Variants in DMD observed in about 807,000 individuals in gnomAD.
The protein encoded by DMD is mutant dystrophin.
In DMD, 63 loss-of-function variants were observed where a neutral mutation model predicts 330.1. That is an observed-to-expected ratio of 0.19 (90% CI 0.16 to 0.24). The LOEUF (loss-of-function observed/expected upper bound fraction) is 0.24, where lower values mean the gene tolerates loss of function less well. Ranked by LOEUF, DMD falls within the 10% of genes least tolerant of loss-of-function variation. DMD has a pLI of 1.00. For missense variants in DMD, 3,344 were observed against 2,684.1 expected (o/e 1.25, Z -5.43); for synonymous variants, 1,223 against 959.8 (o/e 1.27, Z -5.07).
chrX:32,493,586 C>T (rs757584803), intron 19 of DMD, among the ~76,000 whole-genome samples: 4 of 111,125 alleles, frequency 3.6e-5, no homozygotes, highest in South Asian at 3.7e-4. Flanking sequence ...ATTTGTTAAG[C>T]GATGCGATTA....
chrX:31,832,432 G>GA (rs2093070539), intron 49 of DMD, among the ~76,000 whole-genome samples: 1 of 111,865 alleles, frequency 8.9e-6, no homozygotes, highest in East Asian at 2.8e-4. Flanking sequence ...AAACAGCTGG[G>GA]AAAATGAATC....
chrX:31,546,870 T>C (rs2074170025), intron 55 of DMD, among the ~76,000 whole-genome samples: 1 of 112,436 alleles, frequency 8.9e-6, no homozygotes, highest in Non-Finnish European at 1.9e-5. Context: ...TCTTAGCACA[T>C]AGACTATTCT....
At chrX:31,791,438 C>A (rs2091565086) in intron 50 of DMD, among the ~76,000 whole-genome samples, 1 of 111,509 alleles carries the variant, frequency 9.0e-6, no homozygotes, top group Non-Finnish European at 1.9e-5. Flanking sequence ...ATATCTGTAG[C>A]CCCTGACATG....
intron 34 of DMD, among the ~76,000 whole-genome samples, chrX:32,367,631 G>T (rs2097858946): frequency 8.9e-6 from 1 of 111,891 alleles, no homozygotes; most frequent in Admixed American, 9.5e-5. Context: ...GGATAATGTT[G>T]CAGGTAGTTC....
intron 1 of DMD, among the ~76,000 whole-genome samples, chrX:33,165,717 A>T (rs1040899266): frequency 8.9e-6 from 1 of 111,826 alleles, no homozygotes; most frequent in African/African-American, 3.2e-5. Flanking sequence ...ATTTATACAA[A>T]CAGAATAAAA....
At chrX:31,575,623 T>C (rs1365337400) in intron 55 of DMD, among the ~76,000 whole-genome samples, 1 of 112,037 alleles carries the variant, frequency 8.9e-6, no homozygotes, top group African/African-American at 3.2e-5. Flanking sequence ...ATAAAATGTG[T>C]CTGCTTTGTG....
At chrX:33,148,346 G>A (rs1270546611) in intron 1 of DMD, among the ~76,000 whole-genome samples, 1 of 112,064 alleles carries the variant, frequency 8.9e-6, no homozygotes, top group Admixed American at 9.5e-5. Context: ...TATTTCTTAG[G>A]GTTCAAACAG....
chrX:32,299,828 C>T lies in DMD; in HGVS notation c.6117+10254G>A, dbSNP rs774086606. Among the ~76,000 whole-genome samples the T allele has an allele frequency of 2.7e-5, 3 of 111,262 alleles. No individual in the cohort carries two copies. In the South Asian group the frequency reaches 1.1e-3, roughly 42 times the overall value. The stretch of plus-strand genomic sequence containing the variant: ...CAAAAATAATAACTGTCAGCTATTA[C>T]ATTCAAGATTAGTCCAGATTCCAGT... On this transcript the variant is annotated intron_variant, in intron 42 of 78. Coordinates refer to ENST00000357033, the MANE Select transcript of DMD (RefSeq NM_004006.3).
chrX:32,383,230 C>G (rs1296621954), intron 33 of DMD, among the ~76,000 whole-genome samples: 1 of 110,661 alleles, frequency 9.0e-6, no homozygotes, highest in Non-Finnish European at 1.9e-5. Context: ...GCACCTTGAT[C>G]TTGCACTCCC....
At chrX:32,793,721 T>C (rs1603425587) in intron 7 of DMD, among the ~76,000 whole-genome samples, 1 of 111,842 alleles carries the variant, frequency 8.9e-6, no homozygotes, top group Non-Finnish European at 1.9e-5. Flanking sequence ...ATAGAAAATC[T>C]GAACAGATCT....
At chrX:33,241,235 A>G (rs2052582160) in intron 1 of DMD, among the ~76,000 whole-genome samples, 1 of 111,899 alleles carries the variant, frequency 8.9e-6, no homozygotes, top group Non-Finnish European at 1.9e-5. Context: ...TAATTTTTGT[A>G]CATGGTCTGA....
chrX:31,304,620 T>A (rs73617077), intron 62 of DMD, among the ~76,000 whole-genome samples: 1,848 of 106,057 alleles, frequency 0.017, 40 homozygotes, highest in African/African-American at 0.059. Context: ...TATATATATA[T>A]AATATAAAAT....
At chrX:32,500,230 C>T (rs771580185) in intron 19 of DMD, among the ~76,000 whole-genome samples, 2 of 111,132 alleles carry the variant, frequency 1.8e-5, no homozygotes, top group Non-Finnish European at 3.8e-5. Context: ...ATTACCTCAA[C>T]GACTGCCTTA....
chrX:31,259,157 G>T (rs2050264246), intron 63 of DMD, among the ~76,000 whole-genome samples: 1 of 111,820 alleles, frequency 8.9e-6, no homozygotes, highest in South Asian at 3.7e-4. Flanking sequence ...TAATAATAAT[G>T]ATTTTAAAAT....
chrX:32,045,173 C>A (rs987750420), intron 44 of DMD, among the ~76,000 whole-genome samples: 2 of 110,350 alleles, frequency 1.8e-5, no homozygotes, highest in Admixed American at 1.9e-4. Flanking sequence ...CTGTGCCACA[C>A]TTCCTGTACA....
At chrX:32,105,947 C>A (rs970718622) in intron 44 of DMD, among the ~76,000 whole-genome samples, 1 of 111,491 alleles carries the variant, frequency 9.0e-6, no homozygotes, top group Non-Finnish European at 1.9e-5. Context: ...CTTTTTCTCC[C>A]GAAATAATGT....
intron 18 of DMD, among the ~76,000 whole-genome samples, chrX:32,512,953 A>T (rs1015960531): frequency 8.9e-6 from 1 of 112,014 alleles, no homozygotes; most frequent in African/African-American, 3.2e-5. Flanking sequence ...TCTAGATGGC[A>T]GGAGGAATGC....
At chrX:32,819,551 A>G (rs150895237) in intron 5 of DMD, among the ~76,000 whole-genome samples, 1 of 112,113 alleles carries the variant, frequency 8.9e-6, no homozygotes. Flanking sequence ...GTTACAAAAT[A>G]TGCGTTACTG....
chrX:31,920,667 T>A (rs189655541), intron 47 of DMD, among the ~76,000 whole-genome samples: 9 of 112,385 alleles, frequency 8.0e-5, no homozygotes, highest in African/African-American at 2.9e-4. Flanking sequence ...AGATGCAGAG[T>A]TATGAAATTT....
Sources: gnomAD v4.1 joint callset for allele counts (sites outside exome capture counted in the v4.1 genomes callset) on GRCh38, gnomAD v4.1.1 for gene constraint, MANE v1.5 for transcripts, NCBI Gene and HGNC (gene_info 2026-07-23, HGNC 2026-07-21) for gene names.